MALRD1: variants seen among roughly 807,000 people sequenced by gnomAD.
The protein encoded by MALRD1 is MAM and LDL-receptor class A domain-containing protein 1.
A neutral mutation model predicts 242.1 loss-of-function variants in MALRD1; 247 were observed. That is an observed-to-expected ratio of 1.02 (90% CI 0.92 to 1.13). The LOEUF (loss-of-function observed/expected upper bound fraction) is 1.13. MALRD1 is among the 50% of genes most tolerant of loss of function. The probability of loss-of-function intolerance (pLI) is 0.00; values close to 1 mark genes in which losing one functional copy is unlikely to be tolerated. For missense variants in MALRD1, 2,989 were observed against 2,533.1 expected (o/e 1.18, Z -3.86); for synonymous variants, 995 against 866.6 (o/e 1.15, Z -2.60).
intron 20 of MALRD1, among the ~76,000 whole-genome samples, chr10:19,280,906 T>C (rs1840773432): frequency 6.6e-6 from 1 of 152,186 alleles, no homozygotes; most frequent in South Asian, 2.1e-4. Flanking sequence ...CCTTCCCTGT[T>C]CTTCATGGAG....
chr10:19,633,428 A>G (rs188066139), intron 36 of MALRD1, among the ~76,000 whole-genome samples: 1 of 152,242 alleles, frequency 6.6e-6, no homozygotes, highest in East Asian at 1.9e-4. Flanking sequence ...ATCTAAAGAC[A>G]TTTGCTGTGG....
intron 29 of MALRD1, among the ~76,000 whole-genome samples, chr10:19,454,013 T>A (rs1835481824): frequency 6.6e-6 from 1 of 152,104 alleles, no homozygotes; most frequent in Non-Finnish European, 1.5e-5. Context: ...TGAGCCATGA[T>A]CATGCCACTG....
chr10:19,731,492 T>TTG (rs199973822), intron 39 of MALRD1, among the ~76,000 whole-genome samples: 7,939 of 146,880 alleles, frequency 0.054, 394 homozygotes, highest in East Asian at 0.2. Flanking sequence ...ATAGTTTACT[T>TTG]TGTGTGTGTG....
intron 18 of MALRD1, among the ~76,000 whole-genome samples, chr10:19,223,161 C>T (rs1270098845): frequency 6.6e-6 from 1 of 152,052 alleles, no homozygotes; most frequent in Non-Finnish European, 1.5e-5. Flanking sequence ...AACGATATTT[C>T]TATGTAAAAT....
In MALRD1 at chr10:19,142,171, C is replaced by CAAAAAAAAA. The variant is rs529000033; in HGVS notation, c.1412-4009_1412-4001dup. Among the ~76,000 whole-genome samples, 53 of 26,276 alleles carry CAAAAAAAAA rather than the reference C, an allele frequency of 2.0e-3. 6 individuals carry two copies. The highest frequency in any genetic ancestry group is 8.9e-3 in the African/African-American group (52 of 5,870). 17.2% of individuals were successfully genotyped at this position (26,276 alleles called of 152,430 possible). A position where few individuals can be genotyped will look rare whatever the true frequency, so the allele number is the denominator to read the frequency against. ...TGGGCGACAGAGCGAGACTCTAACTCAAAAAAAAAAAAAAAAAAAAAAAAA... is the reference window on the plus strand; with the variant it reads ...TGGGCGACAGAGCGAGACTCTAACTCAAAAAAAAAAAAAAAAAAAAAAAAAAAAAAAAAA... On this transcript the variant is annotated intron_variant, in intron 10 of 39. Coordinates refer to ENST00000454679, the MANE Select transcript of MALRD1 (RefSeq NM_001142308.3).
At chr10:19,544,573 T>C (rs1305970651) in intron 32 of MALRD1, among the ~76,000 whole-genome samples, 3 of 152,092 alleles carry the variant, frequency 2.0e-5, no homozygotes, top group Admixed American at 6.6e-5. Flanking sequence ...TGTGCCTTTT[T>C]TTTTTTCTAA....
At chr10:19,733,223 A>G (rs1033614026) in intron 39 of MALRD1, among the ~76,000 whole-genome samples, 9 of 152,228 alleles carry the variant, frequency 5.9e-5, no homozygotes, top group African/African-American at 7.2e-5. Flanking sequence ...GGCAATATTC[A>G]TTGTAAGCAA....
chr10:19,488,788 C>G (rs750793328), intron 29 of MALRD1: 1 of 295,956 alleles, frequency 3.4e-6, no homozygotes, highest in East Asian at 8.1e-5. Context: ...TGATCAGCCT[C>G]GGTCCCCACC....
At chr10:19,458,975 C>T (rs962767506) in intron 29 of MALRD1, among the ~76,000 whole-genome samples, 2 of 151,820 alleles carry the variant, frequency 1.3e-5, no homozygotes, top group African/African-American at 4.8e-5. Context: ...TCAAGCCCAT[C>T]CTAACACACA....
At chr10:19,194,648 C>T (rs950400858) in intron 14 of MALRD1, among the ~76,000 whole-genome samples, 1 of 152,100 alleles carries the variant, frequency 6.6e-6, no homozygotes, top group African/African-American at 2.4e-5. Context: ...CTGTGTCTTC[C>T]CCATGAGCCT....
At chr10:19,299,456 A>G (rs1005514108) in intron 21 of MALRD1, among the ~76,000 whole-genome samples, 4 of 151,990 alleles carry the variant, frequency 2.6e-5, no homozygotes, top group African/African-American at 9.7e-5. Flanking sequence ...TAAAGGGTAC[A>G]ACTCAACAAG....
Position 19,152,425 on chromosome 10 carries a change from G to A in MALRD1, c.1559-2650G>A, listed in dbSNP as rs114595312. On this transcript the variant is annotated intron_variant, in intron 11 of 39. Transcript: ENST00000454679. ...CATTTAGCTTCCAAATCAATGGTCAGTAACTTCATATTTTAATTCTATTAT... is the reference window on the plus strand; with the variant it reads ...CATTTAGCTTCCAAATCAATGGTCAATAACTTCATATTTTAATTCTATTAT... Among the ~76,000 whole-genome samples, 710 of 152,134 alleles carry A rather than the reference G, an allele frequency of 4.7e-3. 7 individuals are homozygous for A. The highest frequency in any genetic ancestry group is 0.016 in the African/African-American group (674 of 41,428).
intron 28 of MALRD1, among the ~76,000 whole-genome samples, chr10:19,436,708 T>C (rs557270041): frequency 6.6e-6 from 1 of 152,306 alleles, no homozygotes; most frequent in African/African-American, 2.4e-5. Context: ...ACATTTGTAA[T>C]ACATTTGCAT....
At chr10:19,050,081 TTC>T (rs869168129) in intron 1 of MALRD1, among the ~76,000 whole-genome samples, 1 of 134,968 alleles carries the variant, frequency 7.4e-6, no homozygotes, top group African/African-American at 2.8e-5. Context: ...AACATATGTC[TTC>T]TTTTTTTTTT....
chr10:19,071,612 A>T (rs1188500558), intron 2 of MALRD1, among the ~76,000 whole-genome samples: 3 of 152,064 alleles, frequency 2.0e-5, no homozygotes. Flanking sequence ...CATTATGTTC[A>T]TCACTGAGTT....
chr10:19,152,706 C>T (rs938208358), intron 11 of MALRD1, among the ~76,000 whole-genome samples: 1 of 151,902 alleles, frequency 6.6e-6, no homozygotes, highest in Admixed American at 6.6e-5. Flanking sequence ...CTAAATGATA[C>T]TATAATTATA....
chr10:19,627,018 G>T (rs1476279435), intron 36 of MALRD1, among the ~76,000 whole-genome samples: 2 of 151,984 alleles, frequency 1.3e-5, no homozygotes, highest in African/African-American at 4.8e-5. Context: ...TAGACACTTG[G>T]AAAAGAATAA....
At chr10:19,564,341 G>T (rs557224566) in intron 32 of MALRD1, among the ~76,000 whole-genome samples, 1 of 151,956 alleles carries the variant, frequency 6.6e-6, no homozygotes, top group East Asian at 1.9e-4. Flanking sequence ...CCTGATTTTG[G>T]TCTATCTATG....
chr10:19,637,029 G>A (rs1840167133), intron 36 of MALRD1, among the ~76,000 whole-genome samples: 1 of 151,782 alleles, frequency 6.6e-6, no homozygotes, highest in African/African-American at 2.4e-5. Context: ...AAATGACTTA[G>A]GATGAAATAA....
Sources: allele counts gnomAD v4.1 joint callset (sites outside exome capture counted in the v4.1 genomes callset), GRCh38; gene constraint gnomAD v4.1.1; transcripts MANE v1.5; gene names NCBI Gene and HGNC (gene_info 2026-07-23, HGNC 2026-07-21).